NKAIN2: variants seen among roughly 807,000 people sequenced by gnomAD.
NKAIN2 encodes the protein sodium/potassium-transporting ATPase subunit beta-1-interacting protein 2.
In NKAIN2, 14 loss-of-function variants were observed where a neutral mutation model predicts 32.6. That is an observed-to-expected ratio of 0.43 (90% CI 0.28 to 0.67). The LOEUF (loss-of-function observed/expected upper bound fraction) is 0.67, where lower values mean the gene tolerates loss of function less well. NKAIN2 is among the 30% of genes least tolerant of loss of function. The probability of loss-of-function intolerance (pLI) is 0.17; values close to 1 mark genes in which losing one functional copy is unlikely to be tolerated. For synonymous variants in NKAIN2, 80 were observed against 87.2 expected (o/e 0.92, Z 0.46); for missense variants, 198 against 258.3 (o/e 0.77, Z 1.60).
chr6:124,447,236 T>A (rs1196239347), intron 3 of NKAIN2, among the ~76,000 whole-genome samples: 1 of 152,126 alleles, frequency 6.6e-6, no homozygotes, highest in Non-Finnish European at 1.5e-5. Context: ...AATATTATGA[T>A]GTTTACTAGC....
At chr6:124,410,022 G>A (rs1401283500) in intron 3 of NKAIN2, among the ~76,000 whole-genome samples, 1 of 152,168 alleles carries the variant, frequency 6.6e-6, no homozygotes, top group African/African-American at 2.4e-5. Flanking sequence ...TTGTATTTCT[G>A]TGGGATCGGT....
intron 4 of NKAIN2, among the ~76,000 whole-genome samples, chr6:124,722,849 G>GT (rs1379356650): frequency 2.2e-4 from 33 of 152,212 alleles, no homozygotes; most frequent in East Asian, 1.7e-3. Flanking sequence ...ATTACTTTCT[G>GT]TTTTTTTACA....
intron 1 of NKAIN2, among the ~76,000 whole-genome samples, chr6:123,968,552 C>G (rs1381274362): frequency 6.6e-6 from 1 of 152,134 alleles, no homozygotes; most frequent in Non-Finnish European, 1.5e-5. Context: ...TTTTCCAAAT[C>G]TCTGAGATTC....
At chr6:123,811,175 A>G (rs1773447303) in intron 1 of NKAIN2, among the ~76,000 whole-genome samples, 1 of 152,180 alleles carries the variant, frequency 6.6e-6, no homozygotes, top group African/African-American at 2.4e-5. Flanking sequence ...TTCTACTGAT[A>G]TGAGAGAAAA....
chr6:123,948,983 A>G (rs1777205221), intron 1 of NKAIN2, among the ~76,000 whole-genome samples: 1 of 151,934 alleles, frequency 6.6e-6, no homozygotes, highest in African/African-American at 2.4e-5. Flanking sequence ...GCATGTGGAT[A>G]TCCAATTTTC....
intron 1 of NKAIN2, among the ~76,000 whole-genome samples, chr6:124,074,459 C>T (rs1263754470): frequency 3.3e-5 from 5 of 152,134 alleles, no homozygotes; most frequent in Admixed American, 3.3e-4. Flanking sequence ...TTTTCAAGGA[C>T]AGCACTTTCA....
At chr6:123,904,326 C>G (rs1052757898) in intron 1 of NKAIN2, among the ~76,000 whole-genome samples, 1 of 152,096 alleles carries the variant, frequency 6.6e-6, no homozygotes. Context: ...CAGATTCAGT[C>G]CATAATGGAA....
chr6:124,190,831 A>G (rs950821910), intron 1 of NKAIN2, among the ~76,000 whole-genome samples: 1 of 152,178 alleles, frequency 6.6e-6, no homozygotes, highest in African/African-American at 2.4e-5. Context: ...TATGTGGTCT[A>G]TTTTTTGAAT....
intron 1 of NKAIN2, among the ~76,000 whole-genome samples, chr6:123,912,370 A>G (rs1383240835): frequency 2.0e-5 from 3 of 152,180 alleles, no homozygotes; most frequent in Non-Finnish European, 2.9e-5. Flanking sequence ...GGCACACTTT[A>G]GTCAATGATA....
intron 3 of NKAIN2, among the ~76,000 whole-genome samples, chr6:124,420,384 T>G (rs1040159485): frequency 3.9e-5 from 6 of 152,126 alleles, no homozygotes; most frequent in Non-Finnish European, 5.9e-5. Context: ...AGAAGTGAAG[T>G]GAAGGTAGGT....
chr6:124,729,252 C>T (rs1159993001), intron 4 of NKAIN2, among the ~76,000 whole-genome samples: 1 of 149,812 alleles, frequency 6.7e-6, no homozygotes, highest in African/African-American at 2.4e-5. Flanking sequence ...AGAGACACAA[C>T]AAAAAAAGAG....
At chr6:124,721,148 G>A (rs1276520857) in intron 4 of NKAIN2, among the ~76,000 whole-genome samples, 6 of 152,144 alleles carry the variant, frequency 3.9e-5, no homozygotes, top group Non-Finnish European at 8.8e-5. Context: ...CGGGCGCGGT[G>A]GCTCACGCCT....
At chr6:124,004,547 A>T (rs1213620232) in intron 1 of NKAIN2, among the ~76,000 whole-genome samples, 5 of 151,940 alleles carry the variant, frequency 3.3e-5, no homozygotes, top group Admixed American at 2.6e-4. Flanking sequence ...AAAAATTTTC[A>T]GTTTGCTGAG....
At chr6:124,198,369 C>T (rs1179014852) in intron 1 of NKAIN2, among the ~76,000 whole-genome samples, 1 of 151,568 alleles carries the variant, frequency 6.6e-6, no homozygotes, top group Non-Finnish European at 1.5e-5. Context: ...AGCCACAGTT[C>T]TGGGAAACCC....
intron 1 of NKAIN2, among the ~76,000 whole-genome samples, chr6:124,001,803 A>ATG (rs550784489): frequency 0.014 from 698 of 49,392 alleles, 14 homozygotes; most frequent in African/African-American, 0.056. Context: ...AGTTCTAAAT[A>ATG]TATATATATA....
intron 3 of NKAIN2, among the ~76,000 whole-genome samples, chr6:124,511,755 G>A (rs1392429491): frequency 2.6e-5 from 4 of 152,220 alleles, no homozygotes; most frequent in African/African-American, 9.6e-5. Context: ...GGGTGACTAA[G>A]GGCTCATCTA....
intron 3 of NKAIN2, among the ~76,000 whole-genome samples, chr6:124,649,976 C>T (rs1330908243): frequency 6.6e-6 from 1 of 152,088 alleles, no homozygotes; most frequent in Non-Finnish European, 1.5e-5. Context: ...AAAAAACTCT[C>T]AGTAAACTAA....
intron 4 of NKAIN2, among the ~76,000 whole-genome samples, chr6:124,687,364 C>CA (rs1773978561): frequency 8.6e-6 from 1 of 116,054 alleles, no homozygotes; most frequent in Non-Finnish European, 1.8e-5. Flanking sequence ...ATATTCCATA[C>CA]ATACACATAC....
intron 3 of NKAIN2, among the ~76,000 whole-genome samples, chr6:124,448,168 G>C (rs550287955): frequency 5.5e-4 from 84 of 152,142 alleles, no homozygotes; most frequent in African/African-American, 1.9e-3. Context: ...TGAAGCATTG[G>C]AATAAATTAT....
Sources: gnomAD v4.1 joint callset for allele counts (sites outside exome capture counted in the v4.1 genomes callset) on GRCh38, gnomAD v4.1.1 for gene constraint, MANE v1.5 for transcripts, NCBI Gene and HGNC (gene_info 2026-07-23, HGNC 2026-07-21) for gene names.